The following DMD variants were observed in gnomAD, a reference collection of about 807,000 sequenced individuals.
DMD encodes the protein mutant dystrophin.
DMD carries 63 observed loss-of-function variants against 330.1 expected under a neutral mutation model. The ratio of observed to expected loss-of-function variants is 0.19; its 90% CI spans 0.16 to 0.24. DMD has a LOEUF of 0.24. Ranked by LOEUF, DMD falls within the 10% of genes least tolerant of loss-of-function variation. The pLI is 1.00. For synonymous variants in DMD, 1,223 were observed against 959.8 expected (o/e 1.27, Z -5.07); for missense variants, 3,344 against 2,684.1 (o/e 1.25, Z -5.43).
intron 7 of DMD, among the ~76,000 whole-genome samples, chrX:32,750,278 T>A (rs972381655): frequency 3.0e-4 from 33 of 111,857 alleles, no homozygotes; most frequent in African/African-American, 1.1e-3. Flanking sequence ...TTGAGAAAGC[T>A]AGTTTCTTCA....
In DMD at chrX:31,496,834, A is replaced by G. The variant is rs763643582; in HGVS notation, c.8501T>C (p.Ile2834Thr). 3 of 1,212,150 alleles carry G rather than the reference A, an allele frequency of 2.5e-6. No individual in the cohort carries two copies. The highest frequency in any genetic ancestry group is 3.5e-5 in the South Asian group (2 of 56,978). ...CTGAACTGCTGGAAAGTCGCCTCCA[A>G]TAGGTGCCTGCCGGCTTAATTCATC... ...KDDELSRQAP[I>T]GGDFPAVQKQ... Residue 2834 changes from isoleucine (I) to threonine (T), a missense_variant, in exon 57 of 79, where the codon ATT becomes ACT. Physicochemically the swap from Ile to Thr is moderately conservative, Grantham distance 89. Coordinates refer to ENST00000357033, the MANE Select transcript of DMD (RefSeq NM_004006.3).
intron 47 of DMD, among the ~76,000 whole-genome samples, chrX:31,875,633 C>T (rs767070821): frequency 2.4e-4 from 27 of 111,977 alleles, no homozygotes; most frequent in Non-Finnish European, 5.1e-4. Flanking sequence ...TCAAAACACA[C>T]ACCTTACACA....
intron 71 of DMD, among the ~76,000 whole-genome samples, chrX:31,175,792 CTCTATTAAT>C (rs747909545): frequency 1.5e-3 from 167 of 111,173 alleles, no homozygotes; most frequent in African/African-American, 4.9e-3. Context: ...TTTATGAAAA[CTCTATTAAT>C]TAAAAGCTGA....
At chrX:32,808,837 TAGA>T (rs763981885) in intron 7 of DMD, among the ~76,000 whole-genome samples, 20 of 111,927 alleles carry the variant, frequency 1.8e-4, no homozygotes, top group South Asian at 1.1e-3. Context: ...CTTCATAGGC[TAGA>T]AGAAGAGTAG....
chrX:31,606,946 A>C (rs2077642049), intron 55 of DMD, among the ~76,000 whole-genome samples: 2 of 112,244 alleles, frequency 1.8e-5, no homozygotes, highest in Admixed American at 1.9e-4. Context: ...TTTCTCAATC[A>C]GCTGTGCAGA....
intron 44 of DMD, among the ~76,000 whole-genome samples, chrX:31,981,843 G>A (rs1404124467): frequency 8.9e-6 from 1 of 111,953 alleles, no homozygotes; most frequent in Non-Finnish European, 1.9e-5. Context: ...TATATTCTAG[G>A]GAAATGAGAG....
chrX:33,078,525 C>G (rs867119275), intron 1 of DMD, among the ~76,000 whole-genome samples: 1 of 111,899 alleles, frequency 8.9e-6, no homozygotes, highest in East Asian at 2.8e-4. Context: ...GCAAATAGCT[C>G]TAAAGAAATA....
At chrX:32,823,227 G>A (rs1163574674) in intron 5 of DMD, 68 bp downstream of exon 5, 10 of 908,924 alleles carry the variant, frequency 1.1e-5, no homozygotes, top group African/African-American at 7.8e-5. Flanking sequence ...TGTTTCACAC[G>A]TCAAGGGTAA....
intron 41 of DMD, among the ~76,000 whole-genome samples, chrX:32,316,975 T>A (rs1195232324): frequency 1.8e-5 from 2 of 111,521 alleles, no homozygotes; most frequent in African/African-American, 6.5e-5. Flanking sequence ...CTCTTCTTTA[T>A]GCAAAATCCA....
At chrX:32,448,695 C>T in intron 26 of DMD, 57 bp from the exon 27 acceptor site, 1 of 1,027,405 alleles carries the variant, frequency 9.7e-7, no homozygotes, top group Non-Finnish European at 1.3e-6. Context: ...ATCCAAAATG[C>T]ATTTCTATGA....
chrX:33,327,818 G>A (rs1017253262), intron 1 of DMD, among the ~76,000 whole-genome samples: 3 of 111,672 alleles, frequency 2.7e-5, no homozygotes, highest in Non-Finnish European at 5.6e-5. Flanking sequence ...TGTTTCACAA[G>A]TAGCTTAATC....
intron 2 of DMD, among the ~76,000 whole-genome samples, chrX:33,018,530 G>T (rs750527788): frequency 1.8e-5 from 2 of 111,573 alleles, no homozygotes; most frequent in African/African-American, 3.2e-5. Context: ...AAAGGTTAAT[G>T]CACAGAGCGA....
chrX:32,690,060 A>G (rs1488408875), intron 9 of DMD, among the ~76,000 whole-genome samples: 2 of 105,012 alleles, frequency 1.9e-5, no homozygotes, highest in Admixed American at 2.0e-4. Context: ...TCCTTGCTAG[A>G]ATAATTAGGC....
intron 48 of DMD, among the ~76,000 whole-genome samples, chrX:31,870,381 C>G (rs974838790): frequency 9.9e-5 from 11 of 111,626 alleles, no homozygotes; most frequent in African/African-American, 3.6e-4. Flanking sequence ...AGATAGTGCC[C>G]CAATCTGCTA....
intron 1 of DMD, among the ~76,000 whole-genome samples, chrX:33,269,705 T>C (rs1236338063): frequency 2.7e-5 from 3 of 111,243 alleles, no homozygotes; most frequent in South Asian, 3.8e-4. Context: ...TATAATACAA[T>C]GTGGTTTGTT....
chrX:32,092,075 C>T (rs1045252081), intron 44 of DMD, among the ~76,000 whole-genome samples: 2 of 111,795 alleles, frequency 1.8e-5, no homozygotes, highest in African/African-American at 3.3e-5. Flanking sequence ...CAGACTGGCT[C>T]ATGCTATGAT....
intron 60 of DMD, among the ~76,000 whole-genome samples, chrX:31,382,678 C>A (rs1241078250): frequency 9.0e-6 from 1 of 111,169 alleles, no homozygotes; most frequent in African/African-American, 3.3e-5. Flanking sequence ...CAGGCCATCA[C>A]CAATAATTCT....
At chrX:33,146,281 G>T (rs896187998) in intron 1 of DMD, among the ~76,000 whole-genome samples, 5 of 110,601 alleles carry the variant, frequency 4.5e-5, no homozygotes, top group Non-Finnish European at 7.5e-5. Context: ...CTTTCTCCAC[G>T]TCCCCAGGCC....
At chrX:31,182,936 C>T (rs368115784) in intron 67 of DMD, 32 bp from the exon 68 acceptor site, 45 of 1,161,474 alleles carry the variant, frequency 3.9e-5, no homozygotes, top group African/African-American at 1.5e-4. Flanking sequence ...AGAAGGAGGG[C>T]AAAAGGATGA....
Sources: allele counts gnomAD v4.1 joint callset (sites outside exome capture counted in the v4.1 genomes callset), GRCh38; gene constraint gnomAD v4.1.1; transcripts MANE v1.5; gene names NCBI Gene and HGNC (gene_info 2026-07-23, HGNC 2026-07-21).